STX6: variants seen among roughly 807,000 people sequenced by gnomAD.
STX6 encodes the protein syntaxin-6.
A neutral mutation model predicts 38.0 loss-of-function variants in STX6; 23 were observed. That is an observed-to-expected ratio of 0.60 (90% confidence interval 0.43 to 0.86). The LOEUF (loss-of-function observed/expected upper bound fraction) is 0.86, where lower values mean the gene tolerates loss of function less well. Ranked by LOEUF, STX6 falls within the 40% of genes least tolerant of loss-of-function variation. The probability of loss-of-function intolerance (pLI) is 0.00; values close to 1 mark genes in which losing one functional copy is unlikely to be tolerated. For synonymous variants in STX6, 123 were observed against 107.5 expected (o/e 1.14, Z -0.89); for missense variants, 274 against 312.9 (o/e 0.88, Z 0.94).
chr1:181,012,787 G>A (rs935475942), intron 1 of STX6, among the ~76,000 whole-genome samples: 6 of 145,124 alleles, frequency 4.1e-5, no homozygotes, highest in African/African-American at 1.0e-4. Flanking sequence ...CAATTACCCC[G>A]CTTCAGCCTC....
chr1:180,983,191 G>A (rs1001894636), intron 7 of STX6, among the ~76,000 whole-genome samples: 1 of 152,046 alleles, frequency 6.6e-6, no homozygotes, highest in African/African-American at 2.4e-5. Context: ...GAACTGTTAT[G>A]TAACCTATGA....
intron 1 of STX6, among the ~76,000 whole-genome samples, chr1:181,010,633 CT>C (rs1000193783): frequency 4.6e-5 from 7 of 151,826 alleles, no homozygotes; most frequent in South Asian, 2.1e-4. Flanking sequence ...GAATATGACT[CT>C]TTTTTTTCTT....
chr1:181,011,506 T>G (rs964958118), intron 1 of STX6, among the ~76,000 whole-genome samples: 9 of 152,204 alleles, frequency 5.9e-5, no homozygotes, highest in African/African-American at 2.2e-4. Flanking sequence ...TTCTAACAGC[T>G]TCAAGAGCCA....
intron 1 of STX6, among the ~76,000 whole-genome samples, chr1:181,011,415 A>G (rs1477262161): frequency 6.6e-6 from 1 of 152,242 alleles, no homozygotes; most frequent in African/African-American, 2.4e-5. Context: ...ATGAACTGGA[A>G]GCAGAAAACA....
At position 180,976,553 on chromosome 1, in the gene STX6, AC is replaced by A. The variant is rs1422127135; in HGVS notation, c.*16del. 2 of 1,612,770 alleles carry A rather than the reference AC, an allele frequency of 1.2e-6. No individual in the cohort carries two copies. Among genetic ancestry groups the A allele is most frequent in the East Asian group, 4.5e-5 (2 of 44,884 alleles). ...CGGTTCATATGCAGGAGGAACTCGC[AC>A]CCAGAGGCCCCGCCGTCACAGCACT... On this transcript the variant is annotated 3_prime_UTR_variant, in exon 8 of 8. Transcript: ENST00000258301.
chr1:180,999,970 A>G (rs1176664681), intron 3 of STX6, among the ~76,000 whole-genome samples: 1 of 152,240 alleles, frequency 6.6e-6, no homozygotes, highest in Non-Finnish European at 1.5e-5. Flanking sequence ...ATGTGGAATT[A>G]TACAAGGTAT....
At position 180,972,806 on chromosome 1, in the gene STX6, G is replaced by A. The variant is rs745463829; in HGVS notation, c.*3764C>T. On this transcript the variant is annotated 3_prime_UTR_variant, in exon 8 of 8. Coordinates refer to ENST00000258301, the MANE Select transcript of STX6 (RefSeq NM_005819.6). The stretch of plus-strand genomic sequence containing the variant: ...CTGAGTAACAGTATCTCTAAGCTGA[G>A]TTACTCTGATCGGAGCTACTGAAAG... The A allele has an allele frequency of 1.5e-5, 5 of 324,640 alleles. No individual in the cohort carries two copies. Among genetic ancestry groups the A allele is most frequent in the Non-Finnish European group, 3.1e-5 (5 of 163,010 alleles). The allele number at this position is 324,640 out of a possible 1,614,324, so 20.1% of individuals were successfully genotyped here.
intron 1 of STX6, among the ~76,000 whole-genome samples, chr1:181,017,786 A>T (rs1656603578): frequency 6.6e-6 from 1 of 152,120 alleles, no homozygotes; most frequent in South Asian, 2.1e-4. Context: ...GAATCAAGGG[A>T]ATTGGGTCCC....
At chr1:181,003,661 C>A (rs1192438241) in intron 2 of STX6, among the ~76,000 whole-genome samples, 1 of 152,078 alleles carries the variant, frequency 6.6e-6, no homozygotes, top group East Asian at 1.9e-4. Flanking sequence ...ATAAGGTGAT[C>A]CTGACAGAAG....
intron 7 of STX6, among the ~76,000 whole-genome samples, chr1:180,978,709 C>A (rs1485495715): frequency 6.6e-6 from 1 of 152,216 alleles, no homozygotes. Context: ...TCTTCTCTAG[C>A]CATCCAGTTC....
intron 1 of STX6, among the ~76,000 whole-genome samples, chr1:181,009,396 G>A (rs1001907222): frequency 3.3e-5 from 5 of 150,986 alleles, no homozygotes; most frequent in Non-Finnish European, 5.9e-5. Context: ...TTGATCCTGG[G>A]AGGCAGAGGT....
intron 1 of STX6, among the ~76,000 whole-genome samples, chr1:181,007,657 G>A (rs1203564446): frequency 6.6e-6 from 1 of 152,108 alleles, no homozygotes. Context: ...TGATGATGCT[G>A]GAATTAAATT....
chr1:180,989,959 C>A, intron 5 of STX6, 25 bp downstream of exon 5: 1 of 1,612,724 alleles, frequency 6.2e-7, no homozygotes, highest in Non-Finnish European at 8.5e-7. Flanking sequence ...ACTGGCCCGT[C>A]CTAAGTCTGG....
intron 1 of STX6, among the ~76,000 whole-genome samples, chr1:181,017,065 CTG>C (rs1392305310): frequency 6.7e-6 from 1 of 148,928 alleles, no homozygotes; most frequent in East Asian, 2.0e-4. Context: ...GAATGAGACT[CTG>C]TCTCAAAAAC....
chr1:180,993,486 C>A, intron 3 of STX6, 61 bp from the exon 4 acceptor site: 1 of 860,684 alleles, frequency 1.2e-6, no homozygotes, highest in Non-Finnish European at 1.9e-6. Context: ...TCACAGTTAA[C>A]ATTTCATACA....
chr1:180,981,961 C>T (rs1655430437), intron 7 of STX6, among the ~76,000 whole-genome samples: 1 of 152,052 alleles, frequency 6.6e-6, no homozygotes, highest in Non-Finnish European at 1.5e-5. Context: ...TATTTTTCTC[C>T]CCTAAAGAGA....
Position 180,976,517 on chromosome 1 carries a change from C to G in STX6, c.*53G>C, listed in dbSNP as rs1655254279. The G allele has an allele frequency of 4.7e-6, 7 of 1,497,174 alleles. No homozygotes were observed. Among genetic ancestry groups the G allele is most frequent in the Non-Finnish European group, 9.3e-7 (1 of 1,075,122 alleles). The allele number at this position is 1,497,174 out of a possible 1,614,324, so 92.7% of individuals were successfully genotyped here. On this transcript the variant is annotated 3_prime_UTR_variant, in exon 8 of 8. Transcript: ENST00000258301. Reference sequence around the variant, plus strand: ...GCAATGTCACACGTGCTCAGCTTCTCCTCCTCCCCTCGGTTCATATGCAGG... The same window carrying G: ...GCAATGTCACACGTGCTCAGCTTCTGCTCCTCCCCTCGGTTCATATGCAGG...
At chr1:180,996,830 C>A (rs1459063633) in intron 3 of STX6, among the ~76,000 whole-genome samples, 1 of 152,182 alleles carries the variant, frequency 6.6e-6, no homozygotes, top group Non-Finnish European at 1.5e-5. Context: ...GCTTTGGCCT[C>A]CCAAAGTCCT....
At chr1:181,015,901 C>T (rs967495005) in intron 1 of STX6, among the ~76,000 whole-genome samples, 4 of 152,254 alleles carry the variant, frequency 2.6e-5, no homozygotes, top group Middle Eastern at 6.8e-3. Context: ...CCTCATGATT[C>T]GCCTGCCTTG....
Sources: allele counts gnomAD v4.1 joint callset (sites outside exome capture counted in the v4.1 genomes callset), GRCh38; gene constraint gnomAD v4.1.1; transcripts MANE v1.5; gene names NCBI Gene and HGNC (gene_info 2026-07-23, HGNC 2026-07-21).